The following PRH1 variants were observed in gnomAD, a reference collection of about 807,000 sequenced individuals.
The protein encoded by PRH1 is salivary acidic proline-rich phosphoprotein 1/2.
PRH1 carries 7 observed loss-of-function variants against 7.9 expected under a neutral mutation model. The ratio of observed to expected loss-of-function variants is 0.89; its 90% CI spans 0.50 to 1.67. PRH1 has a LOEUF of 1.67. PRH1 is among the 40% of genes most tolerant of loss of function. PRH1 has a pLI of 0.00. For synonymous variants in PRH1, 45 were observed against 80.8 expected, an observed-to-expected ratio of 0.56 and a Z score of 2.38; for missense variants, 109 against 223.6, an observed-to-expected ratio of 0.49 and a Z score of 3.27.
At chr12:10,976,484 T>A (rs1258946874) in intron 1 of PRH1, among the ~76,000 whole-genome samples, 1 of 152,058 alleles carries the variant, frequency 6.6e-6, no homozygotes, top group Non-Finnish European at 1.5e-5. Flanking sequence ...GATCTCAAAT[T>A]AACAACCTAA....
chr12:10,890,831 G>GGGGAC (rs1949562591), intron 2 of PRH1, among the ~76,000 whole-genome samples: 1 of 151,292 alleles, frequency 6.6e-6, no homozygotes, highest in Non-Finnish European at 1.5e-5. Context: ...GGGGAGGGGA[G>GGGGAC]GGTTGGCTTT....
chr12:10,968,291 T>A (rs993026887), intron 2 of PRH1, among the ~76,000 whole-genome samples: 2 of 152,230 alleles, frequency 1.3e-5, no homozygotes, highest in Non-Finnish European at 2.9e-5. Context: ...TAAATCTAAA[T>A]GTATTTAGCT....
chr12:10,911,738 T>A (rs1949902711), intron 2 of PRH1, among the ~76,000 whole-genome samples: 1 of 152,218 alleles, frequency 6.6e-6, no homozygotes, highest in Non-Finnish European at 1.5e-5. Context: ...TTTTCATTTT[T>A]GCTGCCTATT....
chr12:11,000,300 G>C (rs1418341555), intron 1 of PRH1, among the ~76,000 whole-genome samples: 1 of 151,750 alleles, frequency 6.6e-6, no homozygotes, highest in African/African-American at 2.4e-5. Flanking sequence ...ATTCCTTCTT[G>C]CATGCTTAAC....
intron 1 of PRH1, among the ~76,000 whole-genome samples, chr12:11,145,394 T>C (rs1438735202): frequency 6.6e-6 from 1 of 152,132 alleles, no homozygotes; most frequent in African/African-American, 2.4e-5. Flanking sequence ...GATTTCACCA[T>C]GTTGGCTAGG....
chr12:10,892,887 T>A (rs2135795885), intron 2 of PRH1, among the ~76,000 whole-genome samples: 1 of 152,332 alleles, frequency 6.6e-6, no homozygotes, highest in Middle Eastern at 3.4e-3. Flanking sequence ...CCCAAATCAT[T>A]CCTGTCTCAA....
At chr12:11,161,659 A>C (rs1205167444) in intron 1 of PRH1, among the ~76,000 whole-genome samples, 1 of 152,166 alleles carries the variant, frequency 6.6e-6, no homozygotes, top group Non-Finnish European at 1.5e-5. Flanking sequence ...CAGAAATCTA[A>C]GGTTTCAGAG....
At chr12:10,939,165 C>G in intron 2 of PRH1, 2 of 1,600,066 alleles carry the variant, frequency 1.2e-6, no homozygotes, top group Non-Finnish European at 1.7e-6. Flanking sequence ...ATAAATTCCA[C>G]AATTAAAACG....
At chr12:11,020,419 G>GAT (rs1168494511) in intron 1 of PRH1, among the ~76,000 whole-genome samples, 1 of 25,632 alleles carries the variant, frequency 3.9e-5, no homozygotes, top group Non-Finnish European at 1.3e-4. Flanking sequence ...TAGATACATA[G>GAT]ATATATATAT....
chr12:10,955,511 A>C (rs1452048798), intron 2 of PRH1, among the ~76,000 whole-genome samples: 1 of 152,084 alleles, frequency 6.6e-6, no homozygotes, highest in Non-Finnish European at 1.5e-5. Context: ...ACATAACTTC[A>C]CAAGAGAAAC....
intron 1 of PRH1, among the ~76,000 whole-genome samples, chr12:11,060,298 T>C (rs1422300505): frequency 6.6e-6 from 1 of 152,116 alleles, no homozygotes. Context: ...AAAACATAGA[T>C]TTCATAGATG....
At chr12:10,962,825 A>T (rs1366665294) in intron 2 of PRH1, among the ~76,000 whole-genome samples, 1 of 152,186 alleles carries the variant, frequency 6.6e-6, no homozygotes, top group Non-Finnish European at 1.5e-5. Flanking sequence ...GCTGGAGTGC[A>T]GTGGCGCGAT....
At chr12:11,049,978 G>A (rs539788975), upstream of PRH1, among the ~76,000 whole-genome samples, 5 of 152,200 alleles carry the variant, frequency 3.3e-5, no homozygotes, top group Non-Finnish European at 4.4e-5. Flanking sequence ...ATTGGAAAAC[G>A]AGTTTCCCCA....
chr12:10,903,831 A>G (rs1445874711), intron 2 of PRH1, among the ~76,000 whole-genome samples: 4 of 151,410 alleles, frequency 2.6e-5, no homozygotes, highest in Non-Finnish European at 4.4e-5. Context: ...GTAAAGTTTC[A>G]GGATACAAAT....
At chr12:11,124,992 G>A (rs547569236) in intron 1 of PRH1, among the ~76,000 whole-genome samples, 143 of 152,146 alleles carry the variant, frequency 9.4e-4, no homozygotes, top group African/African-American at 3.2e-3. Flanking sequence ...ACAGGTGCCC[G>A]CCATCACGCC....
chr12:10,950,299 C>T (rs1950550686), intron 2 of PRH1, among the ~76,000 whole-genome samples: 1 of 151,946 alleles, frequency 6.6e-6, no homozygotes, highest in South Asian at 2.1e-4. Context: ...TCATACTCAG[C>T]CAAAGGAATT....
At chr12:10,958,178 TA>T (rs1226493163) in intron 2 of PRH1, among the ~76,000 whole-genome samples, 1 of 152,088 alleles carries the variant, frequency 6.6e-6, no homozygotes, top group Non-Finnish European at 1.5e-5. Context: ...CCATAAATAG[TA>T]GACTGGATAA....
chr12:11,110,422 G>C (rs1945555024), intron 1 of PRH1, among the ~76,000 whole-genome samples: 1 of 152,160 alleles, frequency 6.6e-6, no homozygotes, highest in African/African-American at 2.4e-5. Flanking sequence ...CAGAAAGAAA[G>C]GCTGAGTCAC....
chr12:11,100,956 G>C (rs1438389577), intron 1 of PRH1, among the ~76,000 whole-genome samples: 1 of 152,070 alleles, frequency 6.6e-6, no homozygotes, highest in Non-Finnish European at 1.5e-5. Flanking sequence ...ATTTCATTTA[G>C]AGACACATTT....
Sources: allele counts gnomAD v4.1 joint callset (sites outside exome capture counted in the v4.1 genomes callset), GRCh38; gene constraint gnomAD v4.1.1; transcripts MANE v1.5; gene names NCBI Gene and HGNC (gene_info 2026-07-23, HGNC 2026-07-21).